XPO7: variants seen among roughly 807,000 people sequenced by gnomAD.
XPO7 encodes exportin-7.
In XPO7, 21 loss-of-function variants were observed where a neutral mutation model predicts 144.3. The ratio of observed to expected loss-of-function variants is 0.15; its 90% CI spans 0.10 to 0.21. The LOEUF (loss-of-function observed/expected upper bound fraction) is 0.21, where lower values mean the gene tolerates loss of function less well. Ranked by LOEUF, XPO7 falls within the 10% of genes least tolerant of loss-of-function variation. XPO7 has a pLI of 1.00. For missense variants in XPO7, 808 were observed against 1,325.8 expected, an observed-to-expected ratio of 0.61 and a Z score of 6.06; for synonymous variants, 580 against 499.6, an observed-to-expected ratio of 1.16 and a Z score of -2.15.
At chr8:21,990,995 G>T (rs1174312721) in intron 18 of XPO7, 76 bp downstream of exon 18, 3 of 1,347,156 alleles carry the variant, frequency 2.2e-6, no homozygotes, top group Non-Finnish European at 3.2e-6. Context: ...CTGAAAACTA[G>T]ATGTTGGGGA....
intron 1 of XPO7, chr8:21,966,327 T>C (rs956395890): frequency 3.8e-6 from 3 of 780,314 alleles, no homozygotes; most frequent in East Asian, 4.9e-5. Context: ...CGTAAATACA[T>C]CTTGAAGCTT....
chr8:21,960,902 GTAAC>G (rs1371227797), intron 1 of XPO7, among the ~76,000 whole-genome samples: 1 of 152,140 alleles, frequency 6.6e-6, no homozygotes, highest in Non-Finnish European at 1.5e-5. Context: ...ATGACAATAA[GTAAC>G]TAGAGAATTT....
intron 2 of XPO7, among the ~76,000 whole-genome samples, chr8:21,967,361 G>A (rs953531066): frequency 4.6e-5 from 7 of 151,976 alleles, no homozygotes; most frequent in Non-Finnish European, 8.8e-5. Context: ...ACGGAGTTTC[G>A]CTCTTGTTGC....
At chr8:21,943,866 C>T (rs1410667190) in intron 1 of XPO7, among the ~76,000 whole-genome samples, 1 of 152,064 alleles carries the variant, frequency 6.6e-6, no homozygotes, top group Non-Finnish European at 1.5e-5. Flanking sequence ...TTGCTGAATT[C>T]AAAGTTGTGC....
chr8:21,998,719 C>G, intron 21 of XPO7, 36 bp from the exon 22 acceptor site: 1 of 1,595,996 alleles, frequency 6.3e-7, no homozygotes, highest in South Asian at 1.1e-5. Flanking sequence ...CAAGAAAACA[C>G]CTCTGACTTT....
chr8:22,000,350 G>C (rs1159744256), intron 24 of XPO7, among the ~76,000 whole-genome samples: 1 of 152,138 alleles, frequency 6.6e-6, no homozygotes, highest in Non-Finnish European at 1.5e-5. Context: ...CCTGAGGGCC[G>C]TGGAAGCTGG....
At chr8:21,993,816 TC>T (rs1181312908) in intron 19 of XPO7, among the ~76,000 whole-genome samples, 1 of 152,128 alleles carries the variant, frequency 6.6e-6, no homozygotes, top group Non-Finnish European at 1.5e-5. Context: ...GCATCTGACT[TC>T]CTTTAGGGTA....
intron 24 of XPO7, among the ~76,000 whole-genome samples, chr8:22,000,478 G>A (rs1381572137): frequency 2.3e-5 from 3 of 131,184 alleles, no homozygotes; most frequent in Non-Finnish European, 3.1e-5. Context: ...TTTTTGAGAC[G>A]GAGTCGCTCT....
intron 1 of XPO7, among the ~76,000 whole-genome samples, chr8:21,964,687 C>G (rs541202541): frequency 3.2e-4 from 48 of 151,882 alleles, no homozygotes; most frequent in Non-Finnish European, 6.0e-4. Context: ...TTTAAACAGT[C>G]TTGTTTCCTG....
At chr8:21,998,998 C>T in intron 22 of XPO7, 93 bp from the exon 23 acceptor site, 1 of 1,503,294 alleles carries the variant, frequency 6.7e-7, no homozygotes, top group South Asian at 1.2e-5. Context: ...CACCAGGGGC[C>T]TACTGGAATT....
At chr8:21,988,016 A>T (rs1015994192) in intron 15 of XPO7, among the ~76,000 whole-genome samples, 159 bp downstream of exon 15, 2 of 152,210 alleles carry the variant, frequency 1.3e-5, no homozygotes, top group African/African-American at 2.4e-5. Context: ...GTGCTTAGAG[A>T]TATGGCCCGG....
intron 1 of XPO7, among the ~76,000 whole-genome samples, chr8:21,926,888 C>T (rs1482263145): frequency 6.6e-6 from 1 of 152,166 alleles, no homozygotes; most frequent in African/African-American, 2.4e-5. Context: ...CTAAGGATCC[C>T]TGCGAGGTCT....
Position 21,994,390 on chromosome 8 carries a change from C to G in XPO7, c.2176C>G (p.Leu726Val), listed in dbSNP as rs1812872066. 1.2e-6 allele frequency: 2 copies of G among 1,612,440 alleles called. No homozygotes were observed. The highest frequency in any genetic ancestry group is 1.7e-5 in the Admixed American group (1 of 59,992). Residue 726 changes from leucine (L) to valine (V), a missense_variant, in exon 20 of 28, where the codon CTG (leucine) becomes GTG (valine). By Grantham distance (32) the Leu-to-Val change is conservative. Coordinates refer to ENST00000252512, the MANE Select transcript of XPO7 (RefSeq NM_015024.5). Reference protein sequence around the residue: ...KRTLVGLVRDLRGIAFAFNAK... With the variant: ...KRTLVGLVRDVRGIAFAFNAK... ...AACTCTAGTTGGCCTAGTAAGAGAC[C>G]TGAGAGGGATCGCTTTCGCTTTCAA...
chr8:21,960,481 T>C (rs905112858), intron 1 of XPO7, among the ~76,000 whole-genome samples: 1 of 152,250 alleles, frequency 6.6e-6, no homozygotes, highest in Admixed American at 6.5e-5. Context: ...ATTTACTTCA[T>C]GAAATAATTT....
At chr8:21,950,459 A>T (rs1476859283) in intron 1 of XPO7, among the ~76,000 whole-genome samples, 1 of 152,184 alleles carries the variant, frequency 6.6e-6, no homozygotes, top group African/African-American at 2.4e-5. Context: ...CAAATGAGTA[A>T]GATTTGTTGG....
Position 21,985,627 on chromosome 8 carries a change from G to T in XPO7, c.1513G>T (p.Gly505Cys). The change falls in exon 13 of 28, where the codon GGT becomes TGT. Residue 505 changes from glycine to cysteine, a missense_variant. By Grantham distance (159) the Gly-to-Cys change is radical. Transcript: ENST00000252512. ...WLVYIIGAVI[G>C]GRVSFASTDE... The stretch of plus-strand genomic sequence containing the variant: ...GGTTTACATTATTGGAGCAGTGATC[G>T]GTGGCCGGGTTTCTTTTGCCAGCAC... 1 of 1,613,878 alleles carries T rather than the reference G, an allele frequency of 6.2e-7. No individual in the cohort carries two copies. The highest frequency in any genetic ancestry group is 8.5e-7 in the Non-Finnish European group (1 of 1,179,892).
intron 1 of XPO7, among the ~76,000 whole-genome samples, chr8:21,928,693 T>G (rs1810541866): frequency 2.6e-5 from 4 of 152,244 alleles, no homozygotes; most frequent in Admixed American, 2.0e-4. Flanking sequence ...AGGCTGGTGT[T>G]TTGGCCTGAC....
chr8:21,923,510 T>C (rs183753880), intron 1 of XPO7, among the ~76,000 whole-genome samples: 162 of 152,340 alleles, frequency 1.1e-3, no homozygotes, highest in African/African-American at 3.8e-3. Flanking sequence ...AAAACATATA[T>C]ATCTATATAT....
intron 1 of XPO7, among the ~76,000 whole-genome samples, chr8:21,948,928 C>T (rs748606399): frequency 6.6e-6 from 1 of 152,152 alleles, no homozygotes; most frequent in Admixed American, 6.5e-5. Flanking sequence ...AAGAGCATAG[C>T]TACTGAATGT....
Sources: allele counts gnomAD v4.1 joint callset (sites outside exome capture counted in the v4.1 genomes callset), GRCh38; gene constraint gnomAD v4.1.1; transcripts MANE v1.5; gene names NCBI Gene and HGNC (gene_info 2026-07-23, HGNC 2026-07-21).